The following ARG1 variants were observed in gnomAD, a reference collection of about 807,000 sequenced individuals.
ARG1 encodes the protein arginase 1, also known as arginase-1.
In ARG1, 20 loss-of-function variants were observed where a neutral mutation model predicts 33.0. The observed-to-expected ratio is 0.61, with a 90% CI of 0.43 to 0.88. ARG1 has a LOEUF of 0.88. Ranked by LOEUF, ARG1 falls within the 40% of genes least tolerant of loss-of-function variation. The pLI, the probability that ARG1 is intolerant of heterozygous loss-of-function variation, is 0.00. For missense variants in ARG1, 374 were observed against 384.7 expected, an observed-to-expected ratio of 0.97 and a Z score of 0.23; for synonymous variants, 146 against 140.6, an observed-to-expected ratio of 1.04 and a Z score of -0.27.
chr6:131,577,818 T>TG (rs1254614142), intron 2 of ARG1, among the ~76,000 whole-genome samples: 2 of 148,338 alleles, frequency 1.3e-5, no homozygotes, highest in Non-Finnish European at 3.0e-5. Context: ...GGCAGGAGAA[T>TG]GGCTTGAACC....
chr6:131,578,702 G>A (rs749840163), intron 2 of ARG1, among the ~76,000 whole-genome samples: 9 of 151,938 alleles, frequency 5.9e-5, no homozygotes, highest in African/African-American at 9.7e-5. Flanking sequence ...TATATATACC[G>A]ATATATATGT....
At chr6:131,575,754 T>A (rs1008318133) in intron 1 of ARG1, among the ~76,000 whole-genome samples, 4 of 152,236 alleles carry the variant, frequency 2.6e-5, no homozygotes, top group Non-Finnish European at 5.9e-5. Flanking sequence ...CCTTTAGACC[T>A]CTAATTGTTC....
At chr6:131,579,347 AAGAG>A (rs1773797526) in intron 3 of ARG1, 62 bp downstream of exon 3, 1 of 1,575,230 alleles carries the variant, frequency 6.3e-7, no homozygotes. Context: ...AGGCCATAAG[AAGAG>A]AGAAAATTTA....
chr6:131,574,202 C>T, intron 1 of ARG1: 9 of 1,461,226 alleles, frequency 6.2e-6, no homozygotes, highest in Non-Finnish European at 8.6e-6. Context: ...TGAGTTGAAA[C>T]TACTAAGGTT....
In ARG1 at chr6:131,581,308, C is replaced by A; in HGVS notation, c.395C>A (p.Pro132Gln). ...GATGCTCACACTGATATCAACACTCCACTGACAACCACAAGTGGAAACTTG... is the reference window on the plus strand; with the variant it reads ...GATGCTCACACTGATATCAACACTCAACTGACAACCACAAGTGGAAACTTG... Reference protein sequence around the residue: ...WVDAHTDINTPLTTTSGNLHG... With the variant: ...WVDAHTDINTQLTTTSGNLHG... The change falls in exon 4 of 8, where the codon CCA (proline) becomes CAA (glutamine). Residue 132 changes from proline (P) to glutamine (Q), a missense_variant. Coordinates refer to ENST00000368087, the MANE Select transcript of ARG1 (RefSeq NM_000045.4). 6.2e-7 allele frequency: 1 copy of A among 1,613,914 alleles called. No individual in the cohort carries two copies. Among genetic ancestry groups the A allele is most frequent in the Admixed American group, 1.7e-5 (1 of 60,002 alleles).
chr6:131,578,629 CTGTG>C (rs757077112), intron 2 of ARG1, among the ~76,000 whole-genome samples: 20 of 151,578 alleles, frequency 1.3e-4, no homozygotes, highest in African/African-American at 3.4e-4. Context: ...CTTTGTGTGT[CTGTG>C]TGTGTGTGTA....
At position 131,583,682 on chromosome 6, in the gene ARG1, G is replaced by A. The variant is rs1585429591; in HGVS notation, c.803-60G>A. On this transcript the variant is annotated intron_variant, in intron 7 of 7. Coordinates refer to ENST00000368087, the MANE Select transcript of ARG1 (RefSeq NM_000045.4). The stretch of plus-strand genomic sequence containing the variant: ...AGTGGATAATCTTTCAAGTCTGTCT[G>A]TACTACTTTCAAAATGTCAACTATT... The A allele has an allele frequency of 5.7e-6, 9 of 1,574,124 alleles. No homozygotes were observed. The East Asian group carries it at 7.0e-5, about 12-fold the overall frequency.
At position 131,579,141 on chromosome 6, in the gene ARG1, C is replaced by A. The variant is rs1242421631; in HGVS notation, c.161C>A (p.Pro54His). The A allele has an allele frequency of 1.9e-6, 3 of 1,614,042 alleles. No homozygotes were observed. In the South Asian group the frequency reaches 3.3e-5, roughly 18 times the overall value. The change falls in exon 3 of 8, where the codon CCC (proline) becomes CAC (histidine). Residue 54 changes from proline to histidine, a missense_variant. By Grantham distance (77) the Pro-to-His change is moderately conservative. Coordinates refer to ENST00000368087, the MANE Select transcript of ARG1 (RefSeq NM_000045.4). ...ECDVKDYGDL[P>H]FADIPNDSPF... ...GATGTGAAGGATTATGGGGACCTGC[C>A]CTTTGCTGACATCCCTAATGACAGT...
rs771334658 is a variant in ARG1, at chr6:131,583,088, T to C, written c.589T>C (p.Tyr197His). 6 of 1,613,536 alleles carry C rather than the reference T, an allele frequency of 3.7e-6. No homozygotes were observed. The Admixed American group carries it at 5.0e-5, about 13-fold the overall frequency. Residue 197 changes from tyrosine (Y) to histidine (H), a missense_variant, in exon 6 of 8, where the codon TAC becomes CAC. Transcript: ENST00000368087. ...HYILKTLGIKYFSMTEVDRLG... is the reference protein window; with the variant it reads ...HYILKTLGIKHFSMTEVDRLG... ...CATTTTGAAAACTCTAGGCATTAAA[T>C]ACTTTTCAATGACTGAAGTGGACAG...
intron 4 of ARG1, among the ~76,000 whole-genome samples, chr6:131,581,819 T>A (rs1217222970): frequency 6.6e-6 from 1 of 152,218 alleles, no homozygotes; most frequent in East Asian, 1.9e-4. Flanking sequence ...AAAAAAGAAA[T>A]TTTAAAATTT....
chr6:131,574,186 A>G, intron 1 of ARG1: 1 of 1,311,168 alleles, frequency 7.6e-7, no homozygotes, highest in Non-Finnish European at 1.1e-6. Context: ...CAAACAAGAC[A>G]ATGTATGAGT....
chr6:131,580,573 G>A (rs1210611081), intron 3 of ARG1, among the ~76,000 whole-genome samples: 1 of 152,152 alleles, frequency 6.6e-6, no homozygotes, highest in Non-Finnish European at 1.5e-5. Flanking sequence ...TTCTGTGCAA[G>A]ATATCATTTA....
At chr6:131,577,904 CAAAA>C (rs574140142) in intron 2 of ARG1, among the ~76,000 whole-genome samples, 4 of 75,032 alleles carry the variant, frequency 5.3e-5, no homozygotes, top group East Asian at 8.0e-4. Context: ...ACTCCATCTC[CAAAA>C]AAAAAAAAAA....
At position 131,584,136 on chromosome 6, in the gene ARG1, C is replaced by T. The variant is rs1256353263; in HGVS notation, c.*228C>T. 9.2e-6 allele frequency: 5 copies of T among 541,630 alleles called. No homozygotes were observed. The East Asian group carries it at 1.7e-4, about 19-fold the overall frequency. 33.6% of individuals were successfully genotyped at this position (541,630 alleles called of 1,614,324 possible). A position where few individuals can be genotyped will look rare whatever the true frequency, so the allele number is the denominator to read the frequency against. ...TTTCTAACTTGGCAAAAGACTTATCCTTAGAAAGAGAAGTGTACATTGATT... is the reference window on the plus strand; with the variant it reads ...TTTCTAACTTGGCAAAAGACTTATCTTTAGAAAGAGAAGTGTACATTGATT... On this transcript the variant is annotated 3_prime_UTR_variant, in exon 8 of 8. Transcript: ENST00000368087.
At chr6:131,575,707 G>A (rs1372528726) in intron 1 of ARG1, among the ~76,000 whole-genome samples, 2 of 152,162 alleles carry the variant, frequency 1.3e-5, no homozygotes, top group Non-Finnish European at 2.9e-5. Context: ...AAGCTCTGTT[G>A]GAAATTAAAA....
chr6:131,573,838 A>G, intron 1 of ARG1: 1 of 221,544 alleles, frequency 4.5e-6, no homozygotes, highest in Non-Finnish European at 9.1e-6. Context: ...TTTGTGAATA[A>G]TTCATGTTAT....
intron 3 of ARG1, 107 bp downstream of exon 3, chr6:131,579,392 T>C (rs1773800907): frequency 7.7e-7 from 1 of 1,304,922 alleles, no homozygotes; most frequent in Admixed American, 2.7e-5. Context: ...TTGACCTATA[T>C]TTTATATCAA....
At chr6:131,582,769 G>A in intron 5 of ARG1, 54 bp downstream of exon 5, 1 of 1,502,324 alleles carries the variant, frequency 6.7e-7, no homozygotes, top group South Asian at 1.1e-5. Flanking sequence ...TTGTGTGCTA[G>A]ATATGCTTTA....
intron 1 of ARG1, among the ~76,000 whole-genome samples, chr6:131,576,358 G>A (rs1378050534): frequency 6.6e-6 from 1 of 152,206 alleles, no homozygotes; most frequent in Non-Finnish European, 1.5e-5. Flanking sequence ...TGGTTTGACG[G>A]GAAGAGGGGA....
Sources: gnomAD v4.1 joint callset for allele counts (sites outside exome capture counted in the v4.1 genomes callset) on GRCh38, gnomAD v4.1.1 for gene constraint, MANE v1.5 for transcripts, NCBI Gene and HGNC (gene_info 2026-07-23, HGNC 2026-07-21) for gene names.